Variants in PDE4D observed in about 807,000 individuals in gnomAD.
PDE4D encodes the protein phosphodiesterase 4D.
PDE4D carries 24 observed loss-of-function variants against 87.4 expected under a neutral mutation model. The observed-to-expected ratio is 0.27, with a 90% CI of 0.20 to 0.39. The LOEUF is 0.39. Ranked by LOEUF, PDE4D falls within the 10% of genes least tolerant of loss-of-function variation. The probability of loss-of-function intolerance (pLI) is 1.00; values close to 1 mark genes in which losing one functional copy is unlikely to be tolerated. For synonymous variants in PDE4D, 384 were observed against 383.2 expected, an observed-to-expected ratio of 1.00 and a Z score of -0.02; for missense variants, 714 against 1,041.0, an observed-to-expected ratio of 0.69 and a Z score of 4.32.
At chr5:59,531,812 A>C (rs1814283669) in intron 1 of PDE4D, among the ~76,000 whole-genome samples, 1 of 152,200 alleles carries the variant, frequency 6.6e-6, no homozygotes, top group Non-Finnish European at 1.5e-5. Flanking sequence ...CTACATCTCA[A>C]GGTCTGTGCC....
At chr5:59,767,227 TAC>T (rs1210501504) in intron 1 of PDE4D, among the ~76,000 whole-genome samples, 6 of 152,168 alleles carry the variant, frequency 3.9e-5, no homozygotes, top group African/African-American at 1.4e-4. Flanking sequence ...TATTTAGTCA[TAC>T]AGTTTCTCAA....
intron 11 of PDE4D, among the ~76,000 whole-genome samples, chr5:58,983,580 A>T (rs950286677): frequency 2.6e-5 from 4 of 152,160 alleles, no homozygotes; most frequent in African/African-American, 9.7e-5. Context: ...GTAGTTAGTT[A>T]TCTTTCTTTG....
At position 59,235,275 on chromosome 5, in the gene PDE4D, C is replaced by T. The variant is rs1470075810; in HGVS notation, c.456-19307G>A. Among the ~76,000 whole-genome samples, 3 of 152,182 alleles carry T rather than the reference C, an allele frequency of 2.0e-5. No homozygotes were observed. In the East Asian group the frequency reaches 5.8e-4, roughly 29 times the overall value. ...ATCTGTGCCCCTGATGGTCAGATAA[C>T]CTGTCCTGGGTGAGACAAAAGAATT... is the stretch of plus-strand genomic sequence containing the variant. On this transcript the variant is annotated intron_variant, in intron 1 of 14. Coordinates refer to ENST00000340635, the MANE Select transcript of PDE4D (RefSeq NM_001104631.2).
chr5:59,018,440 A>G (rs1359206495), intron 6 of PDE4D, among the ~76,000 whole-genome samples: 4 of 152,220 alleles, frequency 2.6e-5, no homozygotes, highest in Non-Finnish European at 5.9e-5. Context: ...TCATTCTTGC[A>G]AAGAAGCTCT....
intron 1 of PDE4D, among the ~76,000 whole-genome samples, chr5:59,861,388 T>C (rs1032915424): frequency 2.0e-5 from 3 of 152,184 alleles, no homozygotes; most frequent in African/African-American, 7.2e-5. Flanking sequence ...AGCGAATTGT[T>C]AGCCAGTTAA....
rs1338464181 is a variant in PDE4D at position 60,196,575 on chromosome 5, G to A, written c.-89-10888C>T. 9.9e-5 allele frequency among the ~76,000 whole-genome samples: 15 copies of A among 151,716 alleles called. 1 individual carries two copies. Among genetic ancestry groups the A allele is most frequent in the Non-Finnish European group, 1.8e-4 (12 of 67,758 alleles). On this transcript the variant is annotated intron_variant, in intron 1 of 16. Coordinates refer to the PDE4D transcript ENST00000502484. ...TGTGAATCATAGGACAGCATGGTGC[G>A]TAGTTTGCTGGCCTGAGGCCCAATA...
intron 5 of PDE4D, among the ~76,000 whole-genome samples, chr5:59,122,183 G>C (rs1002738327): frequency 5.9e-5 from 8 of 135,016 alleles, no homozygotes; most frequent in Non-Finnish European, 1.1e-4. Flanking sequence ...AAGAAAGGAA[G>C]AAAGAAAGAA....
intron 1 of PDE4D, among the ~76,000 whole-genome samples, chr5:59,802,134 G>A (rs1233693982): frequency 1.3e-5 from 2 of 152,110 alleles, no homozygotes; most frequent in Non-Finnish European, 2.9e-5. Flanking sequence ...TAGAATCACC[G>A]GGGTAATTTT....
intron 5 of PDE4D, among the ~76,000 whole-genome samples, chr5:59,125,050 T>C (rs1775172886): frequency 6.6e-6 from 1 of 152,126 alleles, no homozygotes; most frequent in Non-Finnish European, 1.5e-5. Context: ...CAAGTTCAGC[T>C]CTCTTGCTGA....
chr5:59,007,937 T>C (rs1751961719), intron 6 of PDE4D, among the ~76,000 whole-genome samples: 1 of 152,130 alleles, frequency 6.6e-6, no homozygotes, highest in South Asian at 2.1e-4. Context: ...TGAAATAACA[T>C]GAGACTGATC....
intron 3 of PDE4D, among the ~76,000 whole-genome samples, chr5:59,909,560 T>C (rs1053334817): frequency 6.6e-6 from 1 of 152,038 alleles, no homozygotes; most frequent in Non-Finnish European, 1.5e-5. Flanking sequence ...ACTTTTGTAT[T>C]TTTTTGTAGA....
At chr5:59,877,580 G>A (rs1251126551) in intron 1 of PDE4D, among the ~76,000 whole-genome samples, 6 of 151,796 alleles carry the variant, frequency 4.0e-5, no homozygotes, top group East Asian at 1.9e-4. Flanking sequence ...TTTGGGAGGC[G>A]GAGCTTGAGC....
At chr5:59,620,291 T>TA (rs1166817439) in intron 1 of PDE4D, among the ~76,000 whole-genome samples, 1 of 152,286 alleles carries the variant, frequency 6.6e-6, no homozygotes, top group Non-Finnish European at 1.5e-5. Flanking sequence ...ACACAAGGGT[T>TA]AAAAATGGGG....
intron 2 of PDE4D, among the ~76,000 whole-genome samples, chr5:60,169,257 G>A (rs900113267): frequency 5.9e-5 from 9 of 152,086 alleles, no homozygotes; most frequent in Admixed American, 2.0e-4. Context: ...TAATCTTGCA[G>A]TAGAAAAGCC....
chr5:60,439,941 C>T (rs1745068949), intron 1 of PDE4D, among the ~76,000 whole-genome samples: 1 of 150,312 alleles, frequency 6.7e-6, no homozygotes, highest in Admixed American at 6.6e-5. Context: ...AAAAAAAAAA[C>T]CCTAAACTGC....
intron 2 of PDE4D, among the ~76,000 whole-genome samples, chr5:60,082,435 C>A (rs1774059712): frequency 1.3e-5 from 2 of 152,258 alleles, no homozygotes; most frequent in East Asian, 3.9e-4. Flanking sequence ...ATGTTTGTTG[C>A]TTAAGCCACC....
intron 1 of PDE4D, among the ~76,000 whole-genome samples, chr5:59,757,783 C>T (rs1761459952): frequency 6.6e-6 from 1 of 152,140 alleles, no homozygotes; most frequent in African/African-American, 2.4e-5. Flanking sequence ...AAATTATTCT[C>T]TGGCTGGCTT....
intron 2 of PDE4D, among the ~76,000 whole-genome samples, chr5:60,165,725 T>G (rs1271217707): frequency 6.7e-6 from 1 of 149,434 alleles, no homozygotes; most frequent in Non-Finnish European, 1.5e-5. Context: ...ATATTATAGA[T>G]AATTATATAT....
chr5:59,145,139 C>T (rs1195779392), intron 5 of PDE4D, among the ~76,000 whole-genome samples: 1 of 151,994 alleles, frequency 6.6e-6, no homozygotes, highest in African/African-American at 2.4e-5. Context: ...AATAATTTAG[C>T]TTTTGGAGCA....
Sources: gnomAD v4.1 joint callset for allele counts (sites outside exome capture counted in the v4.1 genomes callset) on GRCh38, gnomAD v4.1.1 for gene constraint, MANE v1.5 for transcripts, NCBI Gene and HGNC (gene_info 2026-07-23, HGNC 2026-07-21) for gene names.